Variants in KLF8 observed in about 807,000 individuals in gnomAD.
The protein encoded by KLF8 is KLF transcription factor 8.
A neutral mutation model predicts 18.2 loss-of-function variants in KLF8; 10 were observed. That is an observed-to-expected ratio of 0.55 (90% CI 0.34 to 0.93). The LOEUF (loss-of-function observed/expected upper bound fraction) is 0.93. KLF8 is among the 40% of genes least tolerant of loss of function. KLF8 has a pLI of 0.02. For missense variants in KLF8, 264 were observed against 277.9 expected (o/e 0.95, Z 0.36); for synonymous variants, 109 against 97.3 (o/e 1.12, Z -0.71).
the KLF8 span, among the ~76,000 whole-genome samples, chrX:56,174,011 T>A: frequency 8.9e-6 from 1 of 111,882 alleles, no homozygotes; most frequent in East Asian, 2.8e-4. Context: ...ACGATGGGGT[T>A]TTCTAGATAT....
chrX:56,181,458 T>A, the KLF8 span, among the ~76,000 whole-genome samples: 5 of 111,835 alleles, frequency 4.5e-5, no homozygotes, highest in East Asian at 1.1e-3. Context: ...ATTTAGCCCA[T>A]TTACATTTAC....
the KLF8 span, among the ~76,000 whole-genome samples, chrX:56,190,843 A>T: frequency 6.3e-5 from 7 of 111,687 alleles, no homozygotes; most frequent in Non-Finnish European, 1.3e-4. Context: ...GTTGATTGAT[A>T]TAAATACCTA....
the KLF8 span, among the ~76,000 whole-genome samples, chrX:56,103,542 G>T: frequency 1.8e-5 from 2 of 111,439 alleles, no homozygotes; most frequent in Non-Finnish European, 3.8e-5. Flanking sequence ...GAATGCTTGT[G>T]ATTTTTGCAC....
chrX:56,154,274 G>C, the KLF8 span, among the ~76,000 whole-genome samples: 1 of 110,471 alleles, frequency 9.1e-6, no homozygotes, highest in Admixed American at 9.6e-5. Flanking sequence ...CAATGGAACA[G>C]AACAGAGCCC....
the KLF8 span, among the ~76,000 whole-genome samples, chrX:56,145,631 A>T: frequency 1.8e-5 from 2 of 112,731 alleles, no homozygotes; most frequent in East Asian, 5.6e-4. Context: ...ATATAGAGGA[A>T]TGAAATACTG....
At chrX:56,073,623 C>T in the KLF8 span, among the ~76,000 whole-genome samples, 1 of 111,640 alleles carries the variant, frequency 9.0e-6, no homozygotes, top group South Asian at 3.7e-4. Context: ...TAGACAAGGG[C>T]TCCAATTTAT....
chrX:56,249,112 T>A (rs926762223), intron 1 of KLF8, among the ~76,000 whole-genome samples: 5 of 112,381 alleles, frequency 4.4e-5, no homozygotes, highest in Non-Finnish European at 9.4e-5. Context: ...CTTACTACAG[T>A]TCCTCCATTA....
intron 1 of KLF8, among the ~76,000 whole-genome samples, chrX:56,239,370 A>G (rs2066517339): frequency 8.9e-6 from 1 of 112,115 alleles, no homozygotes; most frequent in Non-Finnish European, 1.9e-5. Flanking sequence ...AAAGCAAGAA[A>G]TAGGATTTTT....
At chrX:55,925,048 A>G in the KLF8 span, among the ~76,000 whole-genome samples, 1 of 96,294 alleles carries the variant, frequency 1.0e-5, no homozygotes, top group Non-Finnish European at 2.1e-5. Flanking sequence ...TTTAGTATAG[A>G]TGGGGTTTCC....
chrX:56,044,802 G>T, the KLF8 span, among the ~76,000 whole-genome samples: 1 of 112,624 alleles, frequency 8.9e-6, no homozygotes, highest in African/African-American at 3.2e-5. Context: ...CTTGTGAGGT[G>T]CTGTGGAAGA....
chrX:56,166,603 A>G, the KLF8 span, among the ~76,000 whole-genome samples: 1 of 112,373 alleles, frequency 8.9e-6, no homozygotes, highest in Admixed American at 9.5e-5. Context: ...GACACGTGGC[A>G]TCTACAGATG....
chrX:55,936,834 C>T, the KLF8 span, among the ~76,000 whole-genome samples: 11 of 92,503 alleles, frequency 1.2e-4, no homozygotes, highest in Admixed American at 6.9e-4. Context: ...GGGGGAGGGG[C>T]GCCCGCCATT....
chrX:56,084,576 G>A, the KLF8 span, among the ~76,000 whole-genome samples: 2 of 111,652 alleles, frequency 1.8e-5, no homozygotes, highest in East Asian at 2.8e-4. Context: ...TTCAAAGTAT[G>A]GAATCAGAAG....
At chrX:56,262,842 C>T (rs1042852136) in intron 2 of KLF8, among the ~76,000 whole-genome samples, 2 of 110,488 alleles carry the variant, frequency 1.8e-5, no homozygotes, top group East Asian at 2.8e-4. Flanking sequence ...AGGCTGGTCT[C>T]GAACTCCTGA....
chrX:56,137,591 T>A, the KLF8 span, among the ~76,000 whole-genome samples: 2 of 74,550 alleles, frequency 2.7e-5, no homozygotes, highest in African/African-American at 1.1e-4. Flanking sequence ...AACATCACAC[T>A]CTGAGGACTG....
chrX:56,269,763 A>T (rs1036461473), intron 4 of KLF8, among the ~76,000 whole-genome samples: 3 of 112,617 alleles, frequency 2.7e-5, no homozygotes, highest in Non-Finnish European at 5.6e-5. Flanking sequence ...AAGTGTAGTT[A>T]TGTACTGTTT....
chrX:56,131,685 A>G, the KLF8 span, among the ~76,000 whole-genome samples: 1 of 112,111 alleles, frequency 8.9e-6, no homozygotes, highest in Non-Finnish European at 1.9e-5. Flanking sequence ...TAAAAAATGC[A>G]GAATTGCAGA....
chrX:56,101,663 T>TGGCTGTTTTG, the KLF8 span, among the ~76,000 whole-genome samples: 5 of 111,787 alleles, frequency 4.5e-5, no homozygotes, highest in Non-Finnish European at 9.5e-5. Flanking sequence ...GCCACTCTGG[T>TGGCTGTTTTG]ATCTTGCTGT....
the KLF8 span, among the ~76,000 whole-genome samples, chrX:56,163,871 C>A: frequency 3.8e-4 from 43 of 111,850 alleles, no homozygotes; most frequent in Non-Finnish European, 7.3e-4. Context: ...TTACCCATTG[C>A]CTGTTTTGTC....
Sources: allele counts gnomAD v4.1 joint callset (sites outside exome capture counted in the v4.1 genomes callset), GRCh38; gene constraint gnomAD v4.1.1; transcripts MANE v1.5; gene names NCBI Gene and HGNC (gene_info 2026-07-23, HGNC 2026-07-21).